The following HIVEP2 variants were observed in gnomAD, a reference collection of about 807,000 sequenced individuals.
HIVEP2 encodes transcription factor HIVEP2.
In HIVEP2, 14 loss-of-function variants were observed where a neutral mutation model predicts 180.7. That is an observed-to-expected ratio of 0.08 (90% CI 0.05 to 0.12). HIVEP2 has a LOEUF of 0.12. HIVEP2 is among the 10% of genes least tolerant of loss of function. The pLI, the probability that HIVEP2 is intolerant of heterozygous loss-of-function variation, is 1.00. For synonymous variants in HIVEP2, 1,184 were observed against 1,136.4 expected (o/e 1.04, Z -0.84); for missense variants, 2,579 against 3,008.5 (o/e 0.86, Z 3.34).
intron 7 of HIVEP2, 117 bp downstream of exon 7, chr6:142,764,682 C>A: frequency 2.5e-6 from 2 of 790,098 alleles, no homozygotes; most frequent in East Asian, 2.7e-5. Context: ...TTCGTGGAAT[C>A]ATATTTTCAC....
intron 1 of HIVEP2, among the ~76,000 whole-genome samples, chr6:142,859,003 T>C (rs1775900533): frequency 6.6e-5 from 10 of 152,180 alleles, no homozygotes; most frequent in Admixed American, 5.9e-4. Flanking sequence ...GCTTGAGGAC[T>C]GGGCTCAGCA....
At chr6:142,797,131 T>G (rs902896992) in intron 2 of HIVEP2, among the ~76,000 whole-genome samples, 17 of 152,306 alleles carry the variant, frequency 1.1e-4, no homozygotes, top group Non-Finnish European at 2.9e-5. Flanking sequence ...TATACACTCC[T>G]AACACACCTA....
intron 1 of HIVEP2, among the ~76,000 whole-genome samples, chr6:142,894,407 C>G (rs1157861855): frequency 6.6e-6 from 1 of 152,178 alleles, no homozygotes; most frequent in Non-Finnish European, 1.5e-5. Flanking sequence ...CAAAGTTTGA[C>G]TGTTCAAGAG....
chr6:142,876,168 C>A (rs198679), intron 1 of HIVEP2, among the ~76,000 whole-genome samples: 96,160 of 151,960 alleles, frequency 0.63, 30,865 homozygotes, highest in African/African-American at 0.68. Flanking sequence ...GAGAAGATGA[C>A]GACGAAGAAT....
chr6:142,943,241 G>A lies in HIVEP2; in HGVS notation c.-641+1858C>T, dbSNP rs866105941. Among the ~76,000 whole-genome samples the A allele has an allele frequency of 7.9e-5, 12 of 152,044 alleles. No individual in the cohort carries two copies. The highest frequency in any genetic ancestry group is 1.6e-4 in the Non-Finnish European group (11 of 68,018). The stretch of plus-strand genomic sequence containing the variant: ...ATCTACTCATTCCACAGTCTACTTC[G>A]TTAAAATTCTGCTTCTGGCACTCTT... On this transcript the variant is annotated intron_variant, in intron 1 of 9. Transcript: ENST00000367603. The surrounding 1 kb of genome is among the most constrained non-coding windows in gnomAD (Gnocchi z 4.5).
In HIVEP2 at chr6:142,770,576, C is replaced by G. The variant is rs200313627; in HGVS notation, c.4163G>C (p.Gly1388Ala). Residue 1388 changes from glycine to alanine, a missense_variant, in exon 5 of 10, where the codon GGA becomes GCA. This residue lies in a region of HIVEP2 where 523 missense variants were observed against 577.0 expected (regional missense o/e 0.91). Transcript: ENST00000367603. This position sits in a 1 kb window ranked among gnomAD's most constrained non-coding sequence, Gnocchi z 4.7. ...CCCCAGCACCTGGGCAATGTTGAAT[C>G]CTATCCCTTGCATGGCTGCGTTGGT... ...LVTNAAMQGI[G>A]FNIAQVLGQH... The G allele has an allele frequency of 6.2e-7, 1 of 1,614,234 alleles. No individual in the cohort carries two copies. The highest frequency in any genetic ancestry group is 1.3e-5 in the African/African-American group (1 of 75,066).
At chr6:142,870,055 C>T (rs1028825059) in intron 1 of HIVEP2, among the ~76,000 whole-genome samples, 3 of 152,014 alleles carry the variant, frequency 2.0e-5, no homozygotes, top group Non-Finnish European at 4.4e-5. Context: ...GCAGCCGTGA[C>T]CACTGAAGGG....
intron 1 of HIVEP2, among the ~76,000 whole-genome samples, chr6:142,857,864 G>T (rs561777966): frequency 6.6e-6 from 1 of 152,304 alleles, no homozygotes; most frequent in Admixed American, 6.5e-5. Context: ...GGGAAGCCAC[G>T]GGGCTGCGGG....
At position 142,770,743 on chromosome 6, in the gene HIVEP2, T is replaced by C. The variant is rs1201382750; in HGVS notation, c.3996A>G (p.Thr1332=). The change falls in exon 5 of 10, where the codon ACA becomes ACG. Residue 1332 remains threonine, a synonymous_variant. Transcript: ENST00000367603. This position sits in a 1 kb window ranked among gnomAD's most constrained non-coding sequence, Gnocchi z 4.7. ...NAGSLQSLPG[T]VVPVRIQTHV... is the part of the protein sequence containing the mutation. ...GCGTCTGGATCCGAACAGGAACCACTGTTCCTGGGAGGGACTGCAAAGACC... is the reference window on the plus strand; with the variant it reads ...GCGTCTGGATCCGAACAGGAACCACCGTTCCTGGGAGGGACTGCAAAGACC... 6.2e-7 allele frequency: 1 copy of C among 1,614,184 alleles called. No homozygotes were observed. The highest frequency in any genetic ancestry group is 1.7e-5 in the Admixed American group (1 of 60,026).
chr6:142,771,507 A>G lies in HIVEP2; in HGVS notation c.3232T>C (p.Cys1078Arg), dbSNP rs766984545. The G allele has an allele frequency of 6.2e-7, 1 of 1,613,742 alleles. No individual in the cohort carries two copies. The highest frequency in any genetic ancestry group is 1.7e-5 in the Admixed American group (1 of 60,016). Residue 1078 changes from cysteine (C) to arginine (R), a missense_variant, in exon 5 of 10, where the codon TGC becomes CGC. Cys to Arg is a radical substitution (Grantham distance 180). Coordinates refer to ENST00000367603, the MANE Select transcript of HIVEP2 (RefSeq NM_006734.4). This position sits in a 1 kb window ranked among gnomAD's most constrained non-coding sequence, Gnocchi z 5.4. ...TVSPSRERKK[C>R]FLVRQASFSG... ...AAGGAAGCTTGCCGCACCAGAAAGC[A>G]TTTCTTCCTCTCCCTGGACGGTGAT... is the stretch of plus-strand genomic sequence containing the variant.
At chr6:142,796,671 T>C (rs1776285886) in intron 2 of HIVEP2, among the ~76,000 whole-genome samples, 1 of 152,188 alleles carries the variant, frequency 6.6e-6, no homozygotes, top group African/African-American at 2.4e-5. Context: ...CCTCTGCTTC[T>C]GGGGAGCACT....
intron 3 of HIVEP2, among the ~76,000 whole-genome samples, chr6:142,782,885 A>G (rs1354169281): frequency 2.0e-5 from 3 of 152,234 alleles, no homozygotes; most frequent in African/African-American, 7.2e-5. Context: ...ACCTTTTAAA[A>G]TAATTTTTTA....
chr6:142,793,145 T>G (rs1294093501), intron 2 of HIVEP2, among the ~76,000 whole-genome samples: 1 of 152,194 alleles, frequency 6.6e-6, no homozygotes, highest in Non-Finnish European at 1.5e-5. Context: ...AATTTAATAA[T>G]ATATCCAAAA....
rs1256822769 is a variant in HIVEP2 at position 142,769,965 on chromosome 6, C to T, written c.4774G>A (p.Gly1592Ser). Residue 1592 changes from glycine (G) to serine (S), a missense_variant, in exon 5 of 10, where the codon GGT becomes AGT. Around this residue, in one of 11 missense-constraint regions of HIVEP2, gnomAD observed 349 missense variants for 367.2 expected, o/e 0.95. Transcript: ENST00000367603. ...CCCTTCCCTTCCTCTTCCAGCTGAC[C>T]ATCTCCTGCTGGTAATGAAGAACTC... ...PQSSSLPAGD[G>S]QLEEEGKGHK... 1.2e-6 allele frequency: 2 copies of T among 1,613,954 alleles called. No individual in the cohort carries two copies. The highest frequency in any genetic ancestry group is 1.1e-5 in the South Asian group (1 of 91,088).
At chr6:142,932,836 G>A (rs766716818) in intron 1 of HIVEP2, among the ~76,000 whole-genome samples, 1 of 152,218 alleles carries the variant, frequency 6.6e-6, no homozygotes, top group Non-Finnish European at 1.5e-5. Context: ...GAGATTAAAT[G>A]ATGCCTCCAA....
At chr6:142,811,808 T>C (rs892672725) in intron 2 of HIVEP2, among the ~76,000 whole-genome samples, 3 of 152,152 alleles carry the variant, frequency 2.0e-5, no homozygotes, top group African/African-American at 7.2e-5. Flanking sequence ...GGATATCATA[T>C]CAATGAGTAA....
At chr6:142,816,272 C>T (rs563075016) in intron 2 of HIVEP2, among the ~76,000 whole-genome samples, 20 of 152,292 alleles carry the variant, frequency 1.3e-4, no homozygotes, top group African/African-American at 4.3e-4. Flanking sequence ...ATGCATCTCA[C>T]GAGAGCCAAG....
chr6:142,848,334 A>G (rs1775566460), intron 1 of HIVEP2, among the ~76,000 whole-genome samples: 1 of 152,224 alleles, frequency 6.6e-6, no homozygotes, highest in African/African-American at 2.4e-5. Context: ...AAATGAAAAC[A>G]TTCATATCCT....
chr6:142,927,689 T>G (rs1777850164), intron 1 of HIVEP2, among the ~76,000 whole-genome samples: 1 of 152,186 alleles, frequency 6.6e-6, no homozygotes, highest in African/African-American at 2.4e-5. Flanking sequence ...CAACAAAACC[T>G]TTAGCCAGAG....
Sources: gnomAD v4.1 joint callset for allele counts (sites outside exome capture counted in the v4.1 genomes callset) on GRCh38, gnomAD v4.1.1 for gene constraint, gnomAD v4.1.1 regional missense constraint, Gnocchi (gnomAD v3.1) non-coding constraint, MANE v1.5 for transcripts, NCBI Gene and HGNC (gene_info 2026-07-23, HGNC 2026-07-21) for gene names.